Variants in HAS2 observed in about 807,000 individuals in gnomAD.
The protein encoded by HAS2 is HA synthase 2.
HAS2 carries 16 observed loss-of-function variants against 51.6 expected under a neutral mutation model. The observed-to-expected ratio is 0.31, with a 90% CI of 0.21 to 0.47. HAS2 has a LOEUF of 0.47. Ranked by LOEUF, HAS2 falls within the 20% of genes least tolerant of loss-of-function variation. The pLI, the probability that HAS2 is intolerant of heterozygous loss-of-function variation, is 1.00. For missense variants in HAS2, 361 were observed against 662.6 expected (o/e 0.54, Z 5.00); for synonymous variants, 228 against 235.5 (o/e 0.97, Z 0.29).
intron 1 of HAS2, among the ~76,000 whole-genome samples, chr8:121,631,518 A>G (rs994833184): frequency 1.3e-5 from 2 of 152,234 alleles, no homozygotes; most frequent in African/African-American, 4.8e-5. Flanking sequence ...CACAACAAAA[A>G]GAAAATTGGT....
chr8:121,628,889 T>C lies in HAS2; in HGVS notation c.452A>G (p.Asn151Ser), dbSNP rs759613993. 2 of 1,613,824 alleles carry C rather than the reference T, an allele frequency of 1.2e-6. No individual in the cohort carries two copies. Among genetic ancestry groups the C allele is most frequent in the African/African-American group, 2.7e-5 (2 of 74,916 alleles). Residue 151 changes from asparagine to serine, a missense_variant, in exon 2 of 4, where the codon AAC becomes AGC. Coordinates refer to ENST00000303924, the MANE Select transcript of HAS2 (RefSeq NM_005328.3). ...DKSATYIWKN[N>S]FHEKGPGETD... ...CTCACCGGGACCCTTTTCGTGGAAG[T>C]TGTTCTTCCAGATATAAGTGGCTGA...
intron 1 of HAS2, among the ~76,000 whole-genome samples, chr8:121,632,061 T>A (rs1812937376): frequency 6.6e-6 from 1 of 152,224 alleles, no homozygotes; most frequent in Admixed American, 6.5e-5. Flanking sequence ...AAAAGTACTT[T>A]ACTAGCATAC....
chr8:121,631,195 A>G (rs1477491936), intron 1 of HAS2, among the ~76,000 whole-genome samples: 1 of 152,198 alleles, frequency 6.6e-6, no homozygotes, highest in Non-Finnish European at 1.5e-5. Flanking sequence ...GCCACCCACC[A>G]AACAGGAATA....
Position 121,641,271 on chromosome 8 carries a change from G to GCAGA in HAS2, c.-423_-420dup, listed in dbSNP as rs1813101614. ...AAAAAAAAAGCCTGTGGAAGACTCA[G>GCAGA]CAGAACCCAGGAAGCGCAGAATTGG... On this transcript the variant is annotated 5_prime_UTR_variant, in exon 1 of 4. Transcript: ENST00000303924. The GCAGA allele has an allele frequency of 7.8e-6, 1 of 128,322 alleles. No individual in the cohort carries two copies. The highest frequency in any genetic ancestry group is 2.7e-4 in the South Asian group (1 of 3,702). 7.9% of individuals were successfully genotyped at this position (128,322 alleles called of 1,614,324 possible). A position where few individuals can be genotyped will look rare whatever the true frequency, so the allele number is the denominator to read the frequency against.
intron 1 of HAS2, among the ~76,000 whole-genome samples, chr8:121,630,503 T>C (rs1012348043): frequency 9.2e-5 from 14 of 152,306 alleles, no homozygotes; most frequent in African/African-American, 3.4e-4. Flanking sequence ...ATTTCTTTCC[T>C]CCTGGAGTTT....
At chr8:121,630,915 T>C (rs936396408) in intron 1 of HAS2, among the ~76,000 whole-genome samples, 5 of 152,212 alleles carry the variant, frequency 3.3e-5, no homozygotes, top group Non-Finnish European at 5.9e-5. Context: ...TAAGGGGATC[T>C]GCACTGTACT....
chr8:121,639,001 T>C (rs1813049726), intron 1 of HAS2, among the ~76,000 whole-genome samples: 1 of 151,678 alleles, frequency 6.6e-6, no homozygotes, highest in African/African-American at 2.4e-5. Flanking sequence ...TAAAATAACC[T>C]TTTTTAAAAA....
chr8:121,619,938 G>C (rs1364906491), intron 2 of HAS2, among the ~76,000 whole-genome samples: 1 of 152,162 alleles, frequency 6.6e-6, no homozygotes, highest in African/African-American at 2.4e-5. Context: ...AGCAAGCCAG[G>C]AGAACTGGCT....
chr8:121,637,933 CTCAGGGATCACACT>C (rs1813035004), intron 1 of HAS2, among the ~76,000 whole-genome samples: 1 of 152,158 alleles, frequency 6.6e-6, no homozygotes. Context: ...ATTACTTTAA[CTCAGGGATCACACT>C]TCATACAAGA....
chr8:121,637,490 A>G (rs923939560), intron 1 of HAS2, among the ~76,000 whole-genome samples: 2 of 150,176 alleles, frequency 1.3e-5, no homozygotes, highest in African/African-American at 4.9e-5. Context: ...TCCCGAGTTC[A>G]AGAAATTCTC....
intron 2 of HAS2, among the ~76,000 whole-genome samples, chr8:121,618,429 G>A (rs2130434580): frequency 6.6e-6 from 1 of 152,196 alleles, no homozygotes; most frequent in East Asian, 1.9e-4. Flanking sequence ...AAAGAGCTGG[G>A]CTTCCCCTTA....
chr8:121,622,766 G>GATTGT (rs1225811569), intron 2 of HAS2, among the ~76,000 whole-genome samples: 1 of 151,286 alleles, frequency 6.6e-6, no homozygotes, highest in Non-Finnish European at 1.5e-5. Context: ...ACTTTATCAA[G>GATTGT]ATTGTATAAC....
chr8:121,614,857 A>C lies in HAS2; in HGVS notation c.911T>G (p.Phe304Cys). The change falls in exon 4 of 4, where the codon TTT becomes TGT. Residue 304 changes from phenylalanine to cysteine, a missense_variant. Phe to Cys is a radical substitution (Grantham distance 205, BLOSUM62 -2). Coordinates refer to ENST00000303924, the MANE Select transcript of HAS2 (RefSeq NM_005328.3). This position sits in a 1 kb window ranked among gnomAD's most constrained non-coding sequence, Gnocchi z 7.2. ...ACCAAAGCTACATTGGTTGCCCATA[A>C]ATTCTTGATTGTACCAATCTTCCAC... is the stretch of plus-strand genomic sequence containing the variant. Reference protein sequence around the residue: ...EFVEDWYNQEFMGNQCSFGDD... With the variant: ...EFVEDWYNQECMGNQCSFGDD... 6.2e-7 allele frequency: 1 copy of C among 1,614,192 alleles called. No homozygotes were observed. The highest frequency in any genetic ancestry group is 8.5e-7 in the Non-Finnish European group (1 of 1,180,034).
intron 2 of HAS2, among the ~76,000 whole-genome samples, 197 bp from the exon 3 acceptor site, chr8:121,617,403 T>C (rs1204557397): frequency 1.3e-5 from 2 of 152,270 alleles, no homozygotes; most frequent in East Asian, 3.9e-4. Context: ...AAACTCAATA[T>C]TTAAGTTAAT....
At chr8:121,635,423 T>A (rs749382013) in intron 1 of HAS2, among the ~76,000 whole-genome samples, 3 of 152,208 alleles carry the variant, frequency 2.0e-5, no homozygotes, top group Non-Finnish European at 4.4e-5. Flanking sequence ...AACTACCTAA[T>A]AACCCTGACT....
At position 121,629,870 on chromosome 8, in the gene HAS2, T is replaced by C. The variant is rs371350351; in HGVS notation, c.1-530A>G. Among the ~76,000 whole-genome samples the C allele has an allele frequency of 5.3e-5, 8 of 152,314 alleles. No individual in the cohort carries two copies. The East Asian group carries it at 7.7e-4, about 15-fold the overall frequency. ...ATCCTTTCCCTGCAGCCAGCTGAGA[T>C]TGGAGATCAGGATACTGGGTTCTAG... On this transcript the variant is annotated intron_variant, in intron 1 of 3. Transcript: ENST00000303924.
At chr8:121,635,425 AC>A (rs1392243899) in intron 1 of HAS2, among the ~76,000 whole-genome samples, 3 of 152,162 alleles carry the variant, frequency 2.0e-5, no homozygotes, top group African/African-American at 7.2e-5. Context: ...CTACCTAATA[AC>A]CCTGACTCTC....
rs1195089139 is a variant in HAS2, at chr8:121,628,843, T to G, written c.498A>C (p.Glu166Asp). The change falls in exon 2 of 4, where the codon GAA becomes GAC. Residue 166 changes from glutamate (E) to aspartate (D), a missense_variant. Glu to Asp is a conservative substitution (Grantham distance 45). This residue lies in a region of HAS2 where 145 missense variants were observed against 217.6 expected (regional missense o/e 0.67). Transcript: ENST00000303924. ...CCAATTGCGTTACGTGTTGCGAGCT[T>G]TCTTTATGTGACTCATCTGTCTCAC... Reference protein sequence around the residue: ...GPGETDESHKESSQHVTQLVL... With the variant: ...GPGETDESHKDSSQHVTQLVL... 6.2e-7 allele frequency: 1 copy of G among 1,614,176 alleles called. No homozygotes were observed. Among genetic ancestry groups the G allele is most frequent in the Admixed American group, 1.7e-5 (1 of 60,032 alleles).
intron 1 of HAS2, among the ~76,000 whole-genome samples, chr8:121,630,317 T>C (rs549678383): frequency 6.6e-6 from 1 of 152,176 alleles, no homozygotes; most frequent in Non-Finnish European, 1.5e-5. Flanking sequence ...CACTCAGTAA[T>C]AGTCAGTTTT....
Sources: allele counts gnomAD v4.1 joint callset (sites outside exome capture counted in the v4.1 genomes callset), GRCh38; gene constraint gnomAD v4.1.1; regional missense constraint gnomAD v4.1.1; non-coding constraint Gnocchi (gnomAD v3.1); transcripts MANE v1.5; gene names NCBI Gene and HGNC (gene_info 2026-07-23, HGNC 2026-07-21).